The following SEMA5A variants were observed in gnomAD, a reference collection of about 807,000 sequenced individuals.
SEMA5A encodes the protein semaphorin 5A, also known as semaphorin-5A.
Under a neutral mutation model 135.5 loss-of-function variants are expected in SEMA5A, and 55 were observed. The observed-to-expected ratio is 0.41, with a 90% CI of 0.33 to 0.51. The LOEUF is 0.51. SEMA5A is among the 20% of genes least tolerant of loss of function. The probability of loss-of-function intolerance (pLI) is 0.37; values close to 1 mark genes in which losing one functional copy is unlikely to be tolerated. For synonymous variants in SEMA5A, 580 were observed against 546.5 expected, an observed-to-expected ratio of 1.06 and a Z score of -0.85; for missense variants, 1,290 against 1,419.9, an observed-to-expected ratio of 0.91 and a Z score of 1.47.
chr5:9,185,300 A>C (rs1430556098), intron 11 of SEMA5A, among the ~76,000 whole-genome samples: 1 of 152,238 alleles, frequency 6.6e-6, no homozygotes, highest in Admixed American at 6.5e-5. Context: ...AAGAGAAGGA[A>C]ACAGAGGTGA....
chr5:9,102,604 A>G (rs1475238996), intron 16 of SEMA5A, among the ~76,000 whole-genome samples: 3 of 152,118 alleles, frequency 2.0e-5, no homozygotes, highest in Non-Finnish European at 4.4e-5. Flanking sequence ...AATTATTTAT[A>G]CTTACTAAAA....
chr5:9,384,200 G>C (rs767989561), intron 2 of SEMA5A, among the ~76,000 whole-genome samples: 1 of 152,014 alleles, frequency 6.6e-6, no homozygotes, highest in Non-Finnish European at 1.5e-5. Flanking sequence ...CTAACTCCTT[G>C]AAGAGGCTTT....
intron 21 of SEMA5A, among the ~76,000 whole-genome samples, chr5:9,048,807 A>G (rs899605200): frequency 1.3e-5 from 2 of 152,252 alleles, no homozygotes; most frequent in African/African-American, 4.8e-5. Flanking sequence ...GTGATCTAAA[A>G]ACATTAGAGG....
At chr5:9,140,669 A>G (rs1560955225) in intron 12 of SEMA5A, among the ~76,000 whole-genome samples, 1 of 152,184 alleles carries the variant, frequency 6.6e-6, no homozygotes, top group Non-Finnish European at 1.5e-5. Flanking sequence ...CCTGAGAGTA[A>G]TTCTTTTATT....
chr5:9,516,185 C>G (rs952803242), intron 1 of SEMA5A, among the ~76,000 whole-genome samples: 1 of 152,138 alleles, frequency 6.6e-6, no homozygotes, highest in African/African-American at 2.4e-5. Flanking sequence ...CACACATACA[C>G]AGACACACTC....
At chr5:9,489,232 C>T (rs1203437220) in intron 1 of SEMA5A, among the ~76,000 whole-genome samples, 2 of 132,668 alleles carry the variant, frequency 1.5e-5, no homozygotes, top group Admixed American at 1.6e-4. Context: ...GAAAATTGCT[C>T]AACAAAGAAC....
intron 3 of SEMA5A, among the ~76,000 whole-genome samples, chr5:9,352,560 T>A (rs770038993): frequency 3.3e-5 from 5 of 152,214 alleles, no homozygotes; most frequent in Admixed American, 1.3e-4. Context: ...CAATTTGATA[T>A]ACCTTGACTA....
intron 9 of SEMA5A, among the ~76,000 whole-genome samples, 164 bp from the exon 10 acceptor site, chr5:9,197,467 C>T (rs1745457931): frequency 6.6e-6 from 1 of 152,170 alleles, no homozygotes; most frequent in Non-Finnish European, 1.5e-5. Context: ...GAATGGGGCT[C>T]CCCTGTGGAG....
At chr5:9,410,914 C>T (rs1413161010) in intron 2 of SEMA5A, among the ~76,000 whole-genome samples, 1 of 147,680 alleles carries the variant, frequency 6.8e-6, no homozygotes, top group Non-Finnish European at 1.5e-5. Context: ...ATTTCCATAA[C>T]AGAGCGTTCT....
chr5:9,504,675 T>G (rs990430460), intron 1 of SEMA5A, among the ~76,000 whole-genome samples: 1 of 152,060 alleles, frequency 6.6e-6, no homozygotes, highest in Non-Finnish European at 1.5e-5. Flanking sequence ...TAAAGAAAAG[T>G]GAGTACATGA....
chr5:9,532,846 C>T (rs1737531915), intron 1 of SEMA5A, among the ~76,000 whole-genome samples: 1 of 152,152 alleles, frequency 6.6e-6, no homozygotes, highest in South Asian at 2.1e-4. Flanking sequence ...GGAAAAATCT[C>T]AGCTGTTCTC....
intron 3 of SEMA5A, among the ~76,000 whole-genome samples, chr5:9,374,873 G>T (rs1755295676): frequency 6.6e-6 from 1 of 151,966 alleles, no homozygotes; most frequent in Non-Finnish European, 1.5e-5. Flanking sequence ...GGTGGAGTTG[G>T]CTTCCTATAA....
chr5:9,154,441 G>A, intron 12 of SEMA5A, 47 bp downstream of exon 12: 3 of 1,583,242 alleles, frequency 1.9e-6, no homozygotes, highest in South Asian at 2.2e-5. Context: ...CTCTGGGTGG[G>A]CCCTTCACAC....
intron 3 of SEMA5A, among the ~76,000 whole-genome samples, chr5:9,372,339 C>T (rs949719057): frequency 6.6e-6 from 1 of 152,178 alleles, no homozygotes; most frequent in African/African-American, 2.4e-5. Context: ...ACGCATGGAG[C>T]CATGGGACAC....
At position 9,120,078 on chromosome 5, in the gene SEMA5A, G is replaced by T. The variant is rs190684510; in HGVS notation, c.1782-937C>A. ...GCTCCTGCTATTAAAAAATACATAG[G>T]TTTTTTTTTAAAATTTTATGTGTTA... On this transcript the variant is annotated intron_variant, in intron 14 of 22. Transcript: ENST00000382496. Among the ~76,000 whole-genome samples, 648 of 151,276 alleles carry T rather than the reference G, an allele frequency of 4.3e-3. 3 individuals are homozygous for T. Among genetic ancestry groups the T allele is most frequent in the Non-Finnish European group, 7.1e-3 (482 of 67,714 alleles).
At chr5:9,116,712 T>C (rs78468423) in intron 15 of SEMA5A, among the ~76,000 whole-genome samples, 4,132 of 152,340 alleles carry the variant, frequency 0.027, 84 homozygotes, top group Middle Eastern at 0.058. Flanking sequence ...ATGATATACA[T>C]GTATCAATTA....
intron 1 of SEMA5A, among the ~76,000 whole-genome samples, chr5:9,472,819 T>C (rs1759524348): frequency 6.6e-6 from 1 of 151,618 alleles, no homozygotes; most frequent in Non-Finnish European, 1.5e-5. Flanking sequence ...TTTCTAATCT[T>C]TATTCAAAAT....
At chr5:9,410,079 A>G (rs1757047476) in intron 2 of SEMA5A, among the ~76,000 whole-genome samples, 1 of 152,166 alleles carries the variant, frequency 6.6e-6, no homozygotes, top group African/African-American at 2.4e-5. Flanking sequence ...TTTTTTAGAG[A>G]CAATTAAAAG....
At chr5:9,162,889 C>G (rs956913977) in intron 11 of SEMA5A, among the ~76,000 whole-genome samples, 1 of 152,000 alleles carries the variant, frequency 6.6e-6, no homozygotes. Flanking sequence ...GAGTTTAGGT[C>G]CTGTTCATAC....
Sources: allele counts gnomAD v4.1 joint callset (sites outside exome capture counted in the v4.1 genomes callset), GRCh38; gene constraint gnomAD v4.1.1; transcripts MANE v1.5; gene names NCBI Gene and HGNC (gene_info 2026-07-23, HGNC 2026-07-21).